The following ANKRD36C variants were observed in gnomAD, a reference collection of about 807,000 sequenced individuals.
ANKRD36C encodes the protein ankyrin repeat domain 36C.
ANKRD36C carries 61 observed loss-of-function variants against 276.4 expected under a neutral mutation model. The ratio of observed to expected loss-of-function variants is 0.22; its 90% CI spans 0.18 to 0.27. ANKRD36C has a LOEUF of 0.27. Ranked by LOEUF, ANKRD36C falls within the 10% of genes least tolerant of loss-of-function variation. The probability of loss-of-function intolerance (pLI) is 1.00; values close to 1 mark genes in which losing one functional copy is unlikely to be tolerated. For missense variants in ANKRD36C, 1,447 were observed against 2,032.3 expected (o/e 0.71, Z 5.54); for synonymous variants, 483 against 680.1 (o/e 0.71, Z 4.51).
chr2:95,912,570 CTG>C, intron 40 of ANKRD36C, 135 bp from the exon 43 acceptor site: 1 of 1,523,864 alleles, frequency 6.6e-7, no homozygotes, highest in Admixed American at 1.9e-5. Flanking sequence ...TATTTTGTGT[CTG>C]GGGACCAGAA....
In ANKRD36C at chr2:95,883,768, T is replaced by C. The variant is rs1156328418; in HGVS notation, c.3265+405A>G. ...TCAGCGGTCTCGTTAGTTCTTGTTCTACAGTGTTTATGGGTTATTATGATC... is the reference window on the plus strand; with the variant it reads ...TCAGCGGTCTCGTTAGTTCTTGTTCCACAGTGTTTATGGGTTATTATGATC... On this transcript the variant is annotated intron_variant, in intron 54 of 66. Coordinates refer to ENST00000456556, the Ensembl canonical transcript of ANKRD36C. Among the ~76,000 whole-genome samples, 9 of 152,234 alleles carry C rather than the reference T, an allele frequency of 5.9e-5. No individual in the cohort carries two copies. In the East Asian group the frequency reaches 1.7e-3, roughly 29 times the overall value.
At chr2:95,923,672 G>T (rs1468686383) in exon 31 of ANKRD36C, 1 of 1,610,570 alleles carries the variant, frequency 6.2e-7, no homozygotes, top group Non-Finnish European at 8.5e-7. Context: ...TTTGAGGGTG[G>T]TTGTTTCTGA....
intron 12 of ANKRD36C, 64 bp downstream of exon 12, chr2:95,958,527 C>T (rs965987214): frequency 9.2e-6 from 14 of 1,528,422 alleles, no homozygotes; most frequent in South Asian, 1.2e-5. Context: ...CTGATTTATT[C>T]GGGGAAGGGA....
chr2:95,974,193 T>C (rs1678758133), intron 6 of ANKRD36C, among the ~76,000 whole-genome samples: 1 of 152,248 alleles, frequency 6.6e-6, no homozygotes, highest in South Asian at 2.1e-4. Flanking sequence ...TAAAACTATG[T>C]CAAGTTTGAA....
chr2:95,890,967 C>A (rs942266452), intron 46 of ANKRD36C, among the ~76,000 whole-genome samples: 6 of 151,408 alleles, frequency 4.0e-5, no homozygotes, highest in East Asian at 1.9e-4. Flanking sequence ...TTTATAACTA[C>A]AATCAACAAA....
At chr2:95,979,819 G>A (rs909718121) in intron 5 of ANKRD36C, among the ~76,000 whole-genome samples, 6 of 151,980 alleles carry the variant, frequency 3.9e-5, no homozygotes, top group African/African-American at 1.4e-4. Flanking sequence ...AGGTCTAGAA[G>A]CCCAGGTTAA....
intron 22 of ANKRD36C, among the ~76,000 whole-genome samples, chr2:95,938,320 G>A (rs1382741988): frequency 6.6e-6 from 1 of 152,302 alleles, no homozygotes; most frequent in Non-Finnish European, 1.5e-5. Flanking sequence ...ACAAAAGAAT[G>A]ATTAATCATT....
chr2:95,867,236 C>G (rs1268300122), intron 60 of ANKRD36C, among the ~76,000 whole-genome samples: 1 of 152,112 alleles, frequency 6.6e-6, no homozygotes, highest in Non-Finnish European at 1.5e-5. Flanking sequence ...ATCATTCACA[C>G]TGAGAAAAGT....
intron 58 of ANKRD36C, 151 bp downstream of exon 78, chr2:95,880,276 G>C: frequency 9.4e-7 from 1 of 1,063,714 alleles, no homozygotes; most frequent in Non-Finnish European, 1.3e-6. Context: ...TCTCATTTTT[G>C]AAAATATAAA....
intron 14 of ANKRD36C, among the ~76,000 whole-genome samples, chr2:95,953,157 A>G (rs1678242930): frequency 6.6e-6 from 1 of 152,168 alleles, no homozygotes; most frequent in African/African-American, 2.4e-5. Context: ...TATACTCTAA[A>G]TAAAAAAGGC....
At chr2:95,878,048 G>A (rs1385882188) in intron 58 of ANKRD36C, among the ~76,000 whole-genome samples, 1 of 147,842 alleles carries the variant, frequency 6.8e-6, no homozygotes, top group Non-Finnish European at 1.5e-5. Context: ...GCTGGGCATG[G>A]TGTCATGTGC....
chr2:95,890,052 A>G, intron 46 of ANKRD36C, 58 bp from the exon 67 acceptor site: 1 of 1,568,094 alleles, frequency 6.4e-7, no homozygotes, highest in South Asian at 1.1e-5. Flanking sequence ...AGTTATTCAT[A>G]CATTCATACA....
chr2:95,891,800 C>G (rs762210247), intron 45 of ANKRD36C, 32 bp downstream of exon 65: 3 of 1,559,164 alleles, frequency 1.9e-6, no homozygotes, highest in South Asian at 2.4e-5. Flanking sequence ...TATACATTTA[C>G]TAGTTCACAA....
In ANKRD36C at chr2:95,914,257, A is replaced by C; in HGVS notation, c.2478+18T>G. On this transcript the variant is annotated intron_variant, in intron 39 of 66. Coordinates refer to ENST00000456556, the Ensembl canonical transcript of ANKRD36C. ...CTATGCATTTACTAGGTCACAATAT[A>C]AATGACAGTTTCATTACCTTCAAGC... 1.3e-6 allele frequency: 2 copies of C among 1,553,652 alleles called. No individual in the cohort carries two copies. The highest frequency in any genetic ancestry group is 1.7e-6 in the Non-Finnish European group (2 of 1,147,502).
chr2:95,865,392 C>T (rs189489569), intron 60 of ANKRD36C, among the ~76,000 whole-genome samples: 102 of 152,100 alleles, frequency 6.7e-4, no homozygotes, highest in African/African-American at 2.0e-3. Flanking sequence ...GGATCTAGCA[C>T]AGTCAAAACA....
At chr2:95,931,813 T>C (rs1677578828) in intron 24 of ANKRD36C, among the ~76,000 whole-genome samples, 1 of 142,970 alleles carries the variant, frequency 7.0e-6, no homozygotes, top group Non-Finnish European at 1.6e-5. Flanking sequence ...AATTCCTCTA[T>C]TTACAGTTTT....
intron 6 of ANKRD36C, among the ~76,000 whole-genome samples, chr2:95,964,996 T>C (rs1040983761): frequency 5.9e-5 from 9 of 151,742 alleles, no homozygotes; most frequent in Admixed American, 2.6e-4. Flanking sequence ...TGCACCAACA[T>C]CTTCAGAAAT....
At chr2:95,923,609 T>G in intron 31 of ANKRD36C, 42 bp from the exon 32 acceptor site, 2 of 1,608,594 alleles carry the variant, frequency 1.2e-6, no homozygotes, top group South Asian at 1.1e-5. Flanking sequence ...AGAAAGTATG[T>G]TTCATGGACT....
intron 26 of ANKRD36C, among the ~76,000 whole-genome samples, chr2:95,927,664 G>C (rs1677444838): frequency 6.6e-6 from 1 of 151,502 alleles, no homozygotes; most frequent in Admixed American, 6.6e-5. Context: ...AAATAAAACC[G>C]TGTCAATATC....
Sources: allele counts gnomAD v4.1 joint callset (sites outside exome capture counted in the v4.1 genomes callset), GRCh38; gene constraint gnomAD v4.1.1; transcripts MANE v1.5; gene names NCBI Gene and HGNC (gene_info 2026-07-23, HGNC 2026-07-21).